Variants in NF1 observed in about 807,000 individuals in gnomAD.
NF1 encodes the protein neurofibromin 1.
Under a neutral mutation model 325.7 loss-of-function variants are expected in NF1, and 122 were observed. The observed-to-expected ratio is 0.37, with a 90% CI of 0.32 to 0.44. The LOEUF (loss-of-function observed/expected upper bound fraction) is 0.44, where lower values mean the gene tolerates loss of function less well. Ranked by LOEUF, NF1 falls within the 20% of genes least tolerant of loss-of-function variation. The probability of loss-of-function intolerance (pLI) is 1.00; values close to 1 mark genes in which losing one functional copy is unlikely to be tolerated. For missense variants in NF1, 2,140 were observed against 3,415.4 expected (o/e 0.63, Z 9.31); for synonymous variants, 1,091 against 1,186.0 (o/e 0.92, Z 1.65).
intron 48 of NF1, 92 bp from the exon 49 acceptor site, chr17:31,349,028 G>A: frequency 6.8e-7 from 1 of 1,474,416 alleles, no homozygotes; most frequent in African/African-American, 1.4e-5. Flanking sequence ...TTTCCTTGCA[G>A]AGTTGTTAGT....
intron 36 of NF1, among the ~76,000 whole-genome samples, chr17:31,284,610 GGGGTTTCGCTATGTTGGCCA>G (rs1430540162): frequency 1.3e-5 from 2 of 151,656 alleles, no homozygotes; most frequent in East Asian, 3.9e-4. Flanking sequence ...TTATAGAGAC[GGGGTTTCGCTATGTTGGCCA>G]GGCTGGTCTC....
intron 4 of NF1, among the ~76,000 whole-genome samples, chr17:31,164,631 T>C (rs572862802): frequency 2.1e-4 from 32 of 152,214 alleles, no homozygotes; most frequent in Non-Finnish European, 3.8e-4. Context: ...TTTGTTGTTT[T>C]CCAGCAGGTG....
intron 13 of NF1, 107 bp downstream of exon 13, chr17:31,214,692 G>C: frequency 1.1e-6 from 1 of 947,772 alleles, no homozygotes. Flanking sequence ...AGCACTTACT[G>C]ATCCTTTCTG....
At chr17:31,166,013 C>G (rs1306023889) in intron 4 of NF1, among the ~76,000 whole-genome samples, 6 of 152,092 alleles carry the variant, frequency 3.9e-5, no homozygotes, top group Admixed American at 3.9e-4. Context: ...CTTAAGATAG[C>G]TTTATTTTTC....
At chr17:31,337,316 A>C in intron 42 of NF1, 52 bp from the exon 43 acceptor site, 1 of 1,405,490 alleles carries the variant, frequency 7.1e-7, no homozygotes, top group Non-Finnish European at 9.9e-7. Context: ...GGAACTTTAG[A>C]AATTAAAAAG....
intron 51 of NF1, among the ~76,000 whole-genome samples, chr17:31,353,057 C>T (rs1192463216): frequency 3.3e-5 from 5 of 152,084 alleles, no homozygotes; most frequent in African/African-American, 7.2e-5. Context: ...TACAGGCACA[C>T]GTCACCACAT....
intron 57 of NF1, chr17:31,361,081 C>CAAAAAAAAAAAAAAAAAAAAAAAAAAA (rs60249232): frequency 2.1e-5 from 1 of 46,544 alleles, no homozygotes; most frequent in Non-Finnish European, 3.5e-5. Context: ...CATACTATAT[C>CAAAAAAAAAAAAAAAAAAAAAAAAAAA]AAAAAAAAAA....
At chr17:31,138,825 G>A (rs1915993974) in intron 1 of NF1, among the ~76,000 whole-genome samples, 2 of 150,822 alleles carry the variant, frequency 1.3e-5, no homozygotes, top group South Asian at 4.2e-4. Context: ...GTCGTGATAT[G>A]CCCACCTTGG....
At chr17:31,368,920 A>G (rs1429184203) in intron 57 of NF1, among the ~76,000 whole-genome samples, 1 of 152,220 alleles carries the variant, frequency 6.6e-6, no homozygotes. Context: ...AGTTTGCCAT[A>G]TTGTATATGA....
rs200376987 is a variant in NF1, at chr17:31,242,305, CTTTTTTTTTTTTTTTTT to C, written c.3974+6295_3974+6311del. 6.2e-4 allele frequency among the ~76,000 whole-genome samples: 43 copies of C among 68,860 alleles called. No individual in the cohort carries two copies. In the East Asian group the frequency reaches 0.019, roughly 31 times the overall value. 45.2% of individuals were successfully genotyped at this position (68,860 alleles called of 152,430 possible). A position where few individuals can be genotyped will look rare whatever the true frequency, so the allele number is the denominator to read the frequency against. ...TCTTTCCCTAGGTTTCATAAGTTCT[CTTTTTTTTTTTTTTTTT>C]TTTTTTTTTTGAGATGGAGGTTCAC... is the stretch of plus-strand genomic sequence containing the variant. On this transcript the variant is annotated intron_variant, in intron 29 of 57. Coordinates refer to ENST00000358273, the MANE Select transcript of NF1 (RefSeq NM_001042492.3).
At chr17:31,296,676 G>A (rs1213004667) in intron 36 of NF1, 1 of 285,412 alleles carries the variant, frequency 3.5e-6, no homozygotes, top group Non-Finnish European at 6.8e-6. Context: ...CAAATAAATA[G>A]TTGCAGTTGT....
chr17:31,164,197 C>G (rs2065808808), intron 4 of NF1, among the ~76,000 whole-genome samples: 4 of 152,090 alleles, frequency 2.6e-5, no homozygotes, highest in Non-Finnish European at 5.9e-5. Context: ...AGATTGCTTC[C>G]CTATCTATTT....
At chr17:31,340,471 A>C in intron 46 of NF1, 34 bp from the exon 47 acceptor site, 1 of 1,614,052 alleles carries the variant, frequency 6.2e-7, no homozygotes, top group Non-Finnish European at 8.5e-7. Flanking sequence ...GTCATGATTC[A>C]TCTTACTAGC....
At chr17:31,116,550 C>G (rs767315313) in intron 1 of NF1, among the ~76,000 whole-genome samples, 1 of 152,106 alleles carries the variant, frequency 6.6e-6, no homozygotes, top group Non-Finnish European at 1.5e-5. Flanking sequence ...AATTTTAAGT[C>G]TTCCCTTTCA....
chr17:31,213,371 C>T (rs192917519), intron 12 of NF1, among the ~76,000 whole-genome samples: 19 of 152,262 alleles, frequency 1.2e-4, no homozygotes, highest in African/African-American at 4.1e-4. Context: ...TAAAACCCTT[C>T]GGTGTTCTTG....
chr17:31,318,500 C>G (rs777682080), intron 36 of NF1: 1 of 1,614,052 alleles, frequency 6.2e-7, no homozygotes, highest in Non-Finnish European at 8.5e-7. Flanking sequence ...CGCTTGCCTA[C>G]TTGTTTTGAT....
At chr17:31,284,575 G>A (rs1380007234) in intron 36 of NF1, among the ~76,000 whole-genome samples, 1 of 151,680 alleles carries the variant, frequency 6.6e-6, no homozygotes, top group Non-Finnish European at 1.5e-5. Flanking sequence ...ATGAGCCACC[G>A]TGCCTGGCCT....
chr17:31,148,410 T>TC (rs1555603850), intron 1 of NF1, among the ~76,000 whole-genome samples: 2 of 151,032 alleles, frequency 1.3e-5, no homozygotes, highest in South Asian at 2.1e-4. Flanking sequence ...TTTTTTTTTT[T>TC]CCTCCAGACA....
intron 13 of NF1, among the ~76,000 whole-genome samples, chr17:31,216,900 G>A (rs1048321901): frequency 6.6e-6 from 1 of 151,956 alleles, no homozygotes; most frequent in Non-Finnish European, 1.5e-5. Flanking sequence ...TCTTAACATA[G>A]TAATTCCTAC....
Sources: gnomAD v4.1 joint callset for allele counts (sites outside exome capture counted in the v4.1 genomes callset) on GRCh38, gnomAD v4.1.1 for gene constraint, MANE v1.5 for transcripts, NCBI Gene and HGNC (gene_info 2026-07-23, HGNC 2026-07-21) for gene names.